LDLRAD3: variants seen among roughly 807,000 people sequenced by gnomAD.
LDLRAD3 encodes low-density lipoprotein receptor class A domain-containing protein 3.
Under a neutral mutation model 29.4 loss-of-function variants are expected in LDLRAD3, and 20 were observed. The ratio of observed to expected loss-of-function variants is 0.68; its 90% CI spans 0.48 to 0.99. The LOEUF (loss-of-function observed/expected upper bound fraction) is 0.99. LDLRAD3 is among the 50% of genes least tolerant of loss of function. The pLI is 0.00. For synonymous variants in LDLRAD3, 157 were observed against 192.7 expected (o/e 0.81, Z 1.53); for missense variants, 420 against 454.3 (o/e 0.92, Z 0.69).
At chr11:36,221,807 G>A (rs1435987349) in intron 4 of LDLRAD3, among the ~76,000 whole-genome samples, 2 of 152,088 alleles carry the variant, frequency 1.3e-5, no homozygotes, top group Non-Finnish European at 2.9e-5. Context: ...TCCCCTTCCT[G>A]GAAGCTCCCA....
intron 1 of LDLRAD3, among the ~76,000 whole-genome samples, chr11:35,983,576 C>T (rs2133159584): frequency 6.6e-6 from 1 of 152,262 alleles, no homozygotes; most frequent in Middle Eastern, 3.4e-3. Context: ...GCACTCAGAA[C>T]TTGTGAATCT....
At chr11:36,201,893 G>A (rs1289518010) in intron 4 of LDLRAD3, among the ~76,000 whole-genome samples, 1 of 152,168 alleles carries the variant, frequency 6.6e-6, no homozygotes, top group Non-Finnish European at 1.5e-5. Flanking sequence ...CTTAGGCATA[G>A]CATGCATCAT....
At chr11:35,976,481 G>C (rs571411122) in intron 1 of LDLRAD3, among the ~76,000 whole-genome samples, 1 of 152,198 alleles carries the variant, frequency 6.6e-6, no homozygotes, top group African/African-American at 2.4e-5. Context: ...GTACAGGAGA[G>C]GTATGGAGGC....
intron 4 of LDLRAD3, among the ~76,000 whole-genome samples, chr11:36,209,176 A>T (rs774309023): frequency 4.1e-4 from 63 of 152,290 alleles, no homozygotes; most frequent in South Asian, 1.2e-3. Context: ...AAGACTGAGA[A>T]ACTGTCACCG....
chr11:36,090,601 A>G (rs760086276), intron 3 of LDLRAD3, among the ~76,000 whole-genome samples: 67 of 152,178 alleles, frequency 4.4e-4, no homozygotes, highest in Non-Finnish European at 7.8e-4. Context: ...CAAGGAAGAA[A>G]CAGACTACCA....
At chr11:36,151,434 A>G (rs76886583) in intron 4 of LDLRAD3, among the ~76,000 whole-genome samples, 2,698 of 152,220 alleles carry the variant, frequency 0.018, 94 homozygotes, top group African/African-American at 0.062. Context: ...CAGCCCTAAC[A>G]GTTGGACTCT....
At chr11:36,000,669 G>A (rs1851812406) in intron 1 of LDLRAD3, among the ~76,000 whole-genome samples, 1 of 152,162 alleles carries the variant, frequency 6.6e-6, no homozygotes, top group Non-Finnish European at 1.5e-5. Flanking sequence ...TAGTTTGTTG[G>A]GAGGAAATAT....
chr11:35,956,946 A>G (rs1019902514), intron 1 of LDLRAD3, among the ~76,000 whole-genome samples: 1 of 152,186 alleles, frequency 6.6e-6, no homozygotes, highest in African/African-American at 2.4e-5. Context: ...CACGTTAGCC[A>G]GGATGATCTC....
chr11:36,155,754 G>A (rs1211753924), intron 4 of LDLRAD3, among the ~76,000 whole-genome samples: 6 of 152,156 alleles, frequency 3.9e-5, no homozygotes, highest in African/African-American at 1.2e-4. Context: ...TATTCCCAGG[G>A]GTACCCGCCT....
intron 4 of LDLRAD3, among the ~76,000 whole-genome samples, chr11:36,120,166 A>G (rs1853734936): frequency 6.6e-6 from 1 of 152,130 alleles, no homozygotes. Context: ...CTATATTTCT[A>G]GTCTGGAAAC....
At chr11:35,983,645 T>G (rs1851571909) in intron 1 of LDLRAD3, among the ~76,000 whole-genome samples, 1 of 152,172 alleles carries the variant, frequency 6.6e-6, no homozygotes, top group African/African-American at 2.4e-5. Context: ...ATTTATTTGT[T>G]TTTTAGACAG....
intron 4 of LDLRAD3, among the ~76,000 whole-genome samples, chr11:36,127,590 C>G (rs1006822263): frequency 6.6e-6 from 1 of 152,162 alleles, no homozygotes; most frequent in African/African-American, 2.4e-5. Context: ...GATACAGAGG[C>G]TTTGACAACA....
At chr11:36,041,688 C>A (rs1852383666) in intron 2 of LDLRAD3, among the ~76,000 whole-genome samples, 4 of 152,160 alleles carry the variant, frequency 2.6e-5, no homozygotes, top group Non-Finnish European at 4.4e-5. Flanking sequence ...GCCTTAAGAT[C>A]TTTTTCCAGT....
In LDLRAD3 at chr11:36,229,258, C is replaced by T. The variant is rs201509770; in HGVS notation, c.899C>T (p.Ala300Val). The change falls in exon 6 of 6, where the codon GCC (alanine) becomes GTC (valine). Residue 300 changes from alanine (A) to valine (V), a missense_variant. Physicochemically the swap from Ala to Val is moderately conservative, Grantham distance 64. Coordinates refer to ENST00000315571, the MANE Select transcript of LDLRAD3 (RefSeq NM_174902.4). ...LPPYRSRSGS[A>V]NSASSQAASS... ...CCCTACCGCTCCCGGTCCGGGAGTG[C>T]CAACAGTGCCAGCTCCCAGGCAGCC... 1.1e-5 allele frequency: 18 copies of T among 1,614,064 alleles called. No homozygotes were observed. In the East Asian group the frequency reaches 3.8e-4, roughly 34 times the overall value.
intron 1 of LDLRAD3, among the ~76,000 whole-genome samples, chr11:35,965,588 G>A (rs1565129024): frequency 6.6e-6 from 1 of 152,178 alleles, no homozygotes; most frequent in African/African-American, 2.4e-5. Flanking sequence ...CGAGAAACTG[G>A]GGAGGCCTTT....
In LDLRAD3 at chr11:36,206,395, G is replaced by A. The variant is rs374239057; in HGVS notation, c.455-20690G>A. On this transcript the variant is annotated intron_variant, in intron 4 of 5. Transcript: ENST00000315571. Reference sequence around the variant, plus strand: ...GAATCCAGCCCTTGACAAGTTTAATGTTTGCTTTACGGAAGACTAGCTATG... The same window carrying A: ...GAATCCAGCCCTTGACAAGTTTAATATTTGCTTTACGGAAGACTAGCTATG... 1.1e-4 allele frequency among the ~76,000 whole-genome samples: 17 copies of A among 152,302 alleles called. No homozygotes were observed. In the South Asian group the frequency reaches 2.9e-3, roughly 26 times the overall value.
intron 4 of LDLRAD3, among the ~76,000 whole-genome samples, chr11:36,191,471 A>G (rs1284732043): frequency 6.7e-6 from 1 of 149,502 alleles, no homozygotes; most frequent in Non-Finnish European, 1.5e-5. Flanking sequence ...TGAACCCAGG[A>G]GTTTGAGGCT....
At chr11:36,112,932 A>T (rs1201379709) in intron 4 of LDLRAD3, among the ~76,000 whole-genome samples, 1 of 152,212 alleles carries the variant, frequency 6.6e-6, no homozygotes, top group Non-Finnish European at 1.5e-5. Context: ...CTTCATTTGA[A>T]CTGATTTGAG....
At chr11:35,958,286 G>A (rs980309814) in intron 1 of LDLRAD3, among the ~76,000 whole-genome samples, 5 of 152,214 alleles carry the variant, frequency 3.3e-5, no homozygotes, top group Non-Finnish European at 7.3e-5. Context: ...CAGACACAGA[G>A]CATTTCTGTC....
Sources: gnomAD v4.1 joint callset for allele counts (sites outside exome capture counted in the v4.1 genomes callset) on GRCh38, gnomAD v4.1.1 for gene constraint, MANE v1.5 for transcripts, NCBI Gene and HGNC (gene_info 2026-07-23, HGNC 2026-07-21) for gene names.